Variants in SNPH observed in about 807,000 individuals in gnomAD.
The protein encoded by SNPH is syntaphilin.
In SNPH, 10 loss-of-function variants were observed where a neutral mutation model predicts 36.8. The observed-to-expected ratio is 0.27, with a 90% CI of 0.17 to 0.46. The LOEUF (loss-of-function observed/expected upper bound fraction) is 0.46. Among genes scored for constraint, SNPH ranks in the 20% least tolerant of loss-of-function variants. The probability of loss-of-function intolerance (pLI) is 1.00; values close to 1 mark genes in which losing one functional copy is unlikely to be tolerated. For missense variants in SNPH, 622 were observed against 744.0 expected, an observed-to-expected ratio of 0.84 and a Z score of 1.91; for synonymous variants, 281 against 312.2, an observed-to-expected ratio of 0.90 and a Z score of 1.05.
rs933193265 is a variant in SNPH, at chr20:1,306,117, C to G, written c.*63C>G. Reference sequence around the variant, plus strand: ...ACTGATTGTAGGGATGCCGTTCCCCCCTCCCTTCTCCCATGGGCATCATCT... The same window carrying G: ...ACTGATTGTAGGGATGCCGTTCCCCGCTCCCTTCTCCCATGGGCATCATCT... On this transcript the variant is annotated 3_prime_UTR_variant, in exon 7 of 7. Coordinates refer to ENST00000381867, the MANE Select transcript of SNPH (RefSeq NM_001318234.2). 14 of 1,250,784 alleles carry G rather than the reference C, an allele frequency of 1.1e-5. No individual in the cohort carries two copies. Among genetic ancestry groups the G allele is most frequent in the African/African-American group, 3.1e-5 (2 of 64,388 alleles). The allele number at this position is 1,250,784 out of a possible 1,614,324, so 77.5% of individuals were successfully genotyped here. A position where few individuals can be genotyped will look rare whatever the true frequency, so the allele number is the denominator to read the frequency against.
At chr20:1,272,179 C>T (rs982966539) in intron 2 of SNPH, among the ~76,000 whole-genome samples, 1 of 152,162 alleles carries the variant, frequency 6.6e-6, no homozygotes, top group South Asian at 2.1e-4. Context: ...GCCACAGACT[C>T]GTGTTCTCGT....
At position 1,294,229 on chromosome 20, in the gene SNPH, A is replaced by C. The variant is rs925547550; in HGVS notation, c.-492-722A>C. On this transcript the variant is annotated intron_variant, in intron 2 of 6. Transcript: ENST00000381867. This position sits in a 1 kb window ranked among gnomAD's most constrained non-coding sequence, Gnocchi z 4.4. The stretch of plus-strand genomic sequence containing the variant: ...GCCTTGAAGGATTGCTGCTTCAAGT[A>C]ATGGGCCAAGGCAGACGAGAGCACT... Among the ~76,000 whole-genome samples the C allele has an allele frequency of 5.9e-5, 9 of 152,192 alleles. No individual in the cohort carries two copies. The highest frequency in any genetic ancestry group is 2.2e-4 in the African/African-American group (9 of 41,452).
Position 1,305,726 on chromosome 20 carries a change from A to C in SNPH, c.1289A>C (p.Gln430Pro). Residue 430 changes from glutamine to proline, a missense_variant, in exon 7 of 7, where the codon CAG becomes CCG. By Grantham distance (76) the Gln-to-Pro change is moderately conservative. This residue lies in a region of SNPH where 379 missense variants were observed against 427.9 expected (regional missense o/e 0.89). Coordinates refer to ENST00000381867, the MANE Select transcript of SNPH (RefSeq NM_001318234.2). Reference protein sequence around the residue: ...PEPITRGPTPQRPGANPNPGQ... With the variant: ...PEPITRGPTPPRPGANPNPGQ... ...CCCATCACCCGTGGACCCACCCCAC[A>C]GCGGCCTGGTGCCAACCCCAACCCT... The C allele has an allele frequency of 1.2e-6, 2 of 1,610,498 alleles. No homozygotes were observed. Among genetic ancestry groups the C allele is most frequent in the Non-Finnish European group, 1.7e-6 (2 of 1,178,472 alleles).
chr20:1,290,648 G>A (rs1053421746), intron 2 of SNPH, among the ~76,000 whole-genome samples: 1 of 152,186 alleles, frequency 6.6e-6, no homozygotes, highest in African/African-American at 2.4e-5. Context: ...CTACTGTGAA[G>A]TACACTTCTT....
At chr20:1,281,770 G>T (rs1351668463) in intron 2 of SNPH, among the ~76,000 whole-genome samples, 1 of 152,230 alleles carries the variant, frequency 6.6e-6, no homozygotes, top group Admixed American at 6.5e-5. Flanking sequence ...GGGACTATTG[G>T]CAGAGGAGGA....
At position 1,296,309 on chromosome 20, in the gene SNPH, C is replaced by T. The variant is rs569907857; in HGVS notation, c.70C>T (p.Arg24Cys). The T allele has an allele frequency of 3.0e-5, 48 of 1,586,884 alleles. No individual in the cohort carries two copies. Among genetic ancestry groups the T allele is most frequent in the Admixed American group, 2.2e-4 (12 of 55,760 alleles). Reference protein sequence around the residue: ...GPALSAGPPTRPLSSAPGIPP... With the variant: ...GPALSAGPPTCPLSSAPGIPP... ...GGCCCTTTCTGCGGGCCCCCCAACCCGCCCTCTCTCCTCAGCCCCCGGGAT... is the reference window on the plus strand; with the variant it reads ...GGCCCTTTCTGCGGGCCCCCCAACCTGCCCTCTCTCCTCAGCCCCCGGGAT... Residue 24 changes from arginine to cysteine, a missense_variant, in exon 4 of 7, where the codon CGC becomes TGC. Physicochemically the swap from Arg to Cys is radical, Grantham distance 180. Transcript: ENST00000381867.
At position 1,266,610 on chromosome 20, in the gene SNPH, C is replaced by T. The variant is rs1455959708; in HGVS notation, c.-599-44C>T. On this transcript the variant is annotated intron_variant, in intron 1 of 6. Transcript: ENST00000381867. The surrounding 1 kb of genome is among the most constrained non-coding windows in gnomAD (Gnocchi z 6.0). ...CTCAGCTGCCTGGGTGTTCCCCGCCCGCGCTCACCCGCCCCGGTCTATCTC... is the reference window on the plus strand; with the variant it reads ...CTCAGCTGCCTGGGTGTTCCCCGCCTGCGCTCACCCGCCCCGGTCTATCTC... 5 of 1,435,518 alleles carry T rather than the reference C, an allele frequency of 3.5e-6. No homozygotes were observed. Among genetic ancestry groups the T allele is most frequent in the Non-Finnish European group, 4.5e-6 (5 of 1,099,154 alleles). 88.9% of individuals were successfully genotyped at this position (1,435,518 alleles called of 1,614,324 possible). A position where few individuals can be genotyped will look rare whatever the true frequency, so the allele number is the denominator to read the frequency against.
intron 4 of SNPH, among the ~76,000 whole-genome samples, 160 bp downstream of exon 4, chr20:1,296,581 T>C (rs1486111926): frequency 6.6e-6 from 1 of 152,230 alleles, no homozygotes; most frequent in Admixed American, 6.5e-5. Context: ...CTCCTGGAAC[T>C]ATTTAATGGC....
rs373501992 is a variant in SNPH, at chr20:1,305,124, G to A, written c.687G>A (p.Glu229=). 6.2e-6 allele frequency: 10 copies of A among 1,613,714 alleles called. No individual in the cohort carries two copies. Among genetic ancestry groups the A allele is most frequent in the African/African-American group, 1.3e-5 (1 of 74,944 alleles). Residue 229 remains glutamate (E), a synonymous_variant, in exon 7 of 7, where the codon GAG becomes GAA. Coordinates refer to ENST00000381867, the MANE Select transcript of SNPH (RefSeq NM_001318234.2). ...KKLETLLHSM[E]VAQNGMAKED... is the part of the protein sequence containing the mutation. ...TGGAGACGCTGCTGCACAGCATGGAGGTGGCCCAGAATGGCATGGCCAAGG... is the reference window on the plus strand; with the variant it reads ...TGGAGACGCTGCTGCACAGCATGGAAGTGGCCCAGAATGGCATGGCCAAGG...
intron 2 of SNPH, among the ~76,000 whole-genome samples, chr20:1,282,829 T>C (rs895961911): frequency 1.1e-4 from 17 of 152,166 alleles, no homozygotes; most frequent in African/African-American, 4.1e-4. Flanking sequence ...ATTTTACAGA[T>C]GAAGTTAAAG....
chr20:1,277,903 C>CTG (rs770591276), intron 2 of SNPH, among the ~76,000 whole-genome samples: 17 of 119,912 alleles, frequency 1.4e-4, no homozygotes, highest in East Asian at 8.0e-4. Context: ...GTGTATGTAT[C>CTG]TGTGTGTGTG....
chr20:1,281,461 G>A (rs968627477), intron 2 of SNPH, among the ~76,000 whole-genome samples: 1 of 152,164 alleles, frequency 6.6e-6, no homozygotes, highest in African/African-American at 2.4e-5. Flanking sequence ...TTTTCTGTAA[G>A]CTCAAAAGGC....
At chr20:1,284,268 C>T (rs1600251855) in intron 2 of SNPH, among the ~76,000 whole-genome samples, 1 of 152,118 alleles carries the variant, frequency 6.6e-6, no homozygotes, top group East Asian at 1.9e-4. Context: ...GCTTTCTTCC[C>T]CCCCTTTTGT....
intron 2 of SNPH, among the ~76,000 whole-genome samples, chr20:1,284,979 A>T (rs1452588423): frequency 6.6e-6 from 1 of 152,130 alleles, no homozygotes; most frequent in Non-Finnish European, 1.5e-5. Context: ...TCCAGGAGAG[A>T]GATGGTGGCT....
intron 2 of SNPH, among the ~76,000 whole-genome samples, chr20:1,279,162 C>T (rs953800566): frequency 2.0e-5 from 3 of 152,144 alleles, no homozygotes; most frequent in African/African-American, 7.2e-5. Context: ...AGCATCTGTA[C>T]CATTTGACAT....
Position 1,304,713 on chromosome 20 carries a change from C to G in SNPH, c.441-165C>G, listed in dbSNP as rs1456741109. Among the ~76,000 whole-genome samples, 4 of 152,100 alleles carry G rather than the reference C, an allele frequency of 2.6e-5. No homozygotes were observed. In the East Asian group the frequency reaches 7.7e-4, roughly 29 times the overall value. On this transcript the variant is annotated intron_variant, in intron 6 of 6. Transcript: ENST00000381867. This position sits in a 1 kb window ranked among gnomAD's most constrained non-coding sequence, Gnocchi z 4.3. Reference sequence around the variant, plus strand: ...CCTCTCCCCAGCCACTCTCACTCCCCACTATAATAAGAAGGCATTGAGTTT... The same window carrying G: ...CCTCTCCCCAGCCACTCTCACTCCCGACTATAATAAGAAGGCATTGAGTTT...
Position 1,305,268 on chromosome 20 carries a change from C to G in SNPH, c.831C>G (p.Ser277=). Residue 277 remains serine, a synonymous_variant, in exon 7 of 7, where the codon TCC becomes TCG. Coordinates refer to ENST00000381867, the MANE Select transcript of SNPH (RefSeq NM_001318234.2). ...VCGDRQPGDP[S]SGSAEDGADS... The stretch of plus-strand genomic sequence containing the variant: ...GTGACCGCCAGCCGGGTGATCCCTC[C>G]AGCGGCTCTGCTGAGGATGGGGCAG... 6.2e-7 allele frequency: 1 copy of G among 1,610,972 alleles called. No individual in the cohort carries two copies. The highest frequency in any genetic ancestry group is 8.5e-7 in the Non-Finnish European group (1 of 1,179,824).
chr20:1,297,103 C>T (rs1001838401), intron 4 of SNPH, 42 bp from the exon 5 acceptor site: 56 of 1,578,958 alleles, frequency 3.5e-5, no homozygotes, highest in Non-Finnish European at 4.8e-5. Context: ...CGCAGCTGCC[C>T]GCCAGCCAGA....
At position 1,266,810 on chromosome 20, in the gene SNPH, C is replaced by T. The variant is rs1029393821; in HGVS notation, c.-493+50C>T. On this transcript the variant is annotated intron_variant, in intron 2 of 6. Transcript: ENST00000381867. This position sits in a 1 kb window ranked among gnomAD's most constrained non-coding sequence, Gnocchi z 6.0. ...GAGCTGGCCCTGCGCTGCACCGCGG[C>T]AGGTGGGGGCCGCTTGCAACCGCTC... The T allele has an allele frequency of 7.7e-6, 10 of 1,301,106 alleles. No individual in the cohort carries two copies. The highest frequency in any genetic ancestry group is 9.8e-6 in the Non-Finnish European group (10 of 1,023,926). The allele number at this position is 1,301,106 out of a possible 1,614,324, so 80.6% of individuals were successfully genotyped here. A position where few individuals can be genotyped will look rare whatever the true frequency, so the allele number is the denominator to read the frequency against.
Sources: allele counts gnomAD v4.1 joint callset (sites outside exome capture counted in the v4.1 genomes callset), GRCh38; gene constraint gnomAD v4.1.1; regional missense constraint gnomAD v4.1.1; non-coding constraint Gnocchi (gnomAD v3.1); transcripts MANE v1.5; gene names NCBI Gene and HGNC (gene_info 2026-07-23, HGNC 2026-07-21).